The following DYNC1LI1 variants were observed in gnomAD, a reference collection of about 807,000 sequenced individuals.
DYNC1LI1 encodes the protein cytoplasmic dynein 1 light intermediate chain 1.
A neutral mutation model predicts 63.8 loss-of-function variants in DYNC1LI1; 19 were observed. The ratio of observed to expected loss-of-function variants is 0.30; its 90% CI spans 0.21 to 0.44. The LOEUF (loss-of-function observed/expected upper bound fraction) is 0.44, where lower values mean the gene tolerates loss of function less well. Among genes scored for constraint, DYNC1LI1 ranks in the 20% least tolerant of loss-of-function variants. The probability of loss-of-function intolerance (pLI) is 1.00; values close to 1 mark genes in which losing one functional copy is unlikely to be tolerated. For missense variants in DYNC1LI1, 565 were observed against 630.2 expected (o/e 0.90, Z 1.11); for synonymous variants, 225 against 232.3 (o/e 0.97, Z 0.28).
chr3:32,537,824 C>T (rs1474540129), intron 5 of DYNC1LI1, among the ~76,000 whole-genome samples: 1 of 130,930 alleles, frequency 7.6e-6, no homozygotes, highest in African/African-American at 2.8e-5. Flanking sequence ...ATGGTCATTA[C>T]ACCTAATATT....
chr3:32,546,511 G>A (rs868162078), intron 2 of DYNC1LI1, among the ~76,000 whole-genome samples: 10 of 152,078 alleles, frequency 6.6e-5, no homozygotes, highest in Admixed American at 1.3e-4. Flanking sequence ...CTTCCTCTAC[G>A]GATAATTTTC....
intron 1 of DYNC1LI1, 101 bp from the exon 2 acceptor site, chr3:32,570,520 G>A (rs1198993579): frequency 3.1e-5 from 46 of 1,475,688 alleles, no homozygotes; most frequent in Non-Finnish European, 3.7e-5. Flanking sequence ...TGCCGGGAAC[G>A]CAGTGGCCGG....
chr3:32,556,514 A>G (rs1698116548), intron 2 of DYNC1LI1, among the ~76,000 whole-genome samples: 1 of 152,114 alleles, frequency 6.6e-6, no homozygotes, highest in African/African-American at 2.4e-5. Context: ...CAACCTTCAT[A>G]TTCTTTTTGT....
chr3:32,529,515 T>G, intron 11 of DYNC1LI1, 25 bp downstream of exon 11: 2 of 1,586,774 alleles, frequency 1.3e-6, no homozygotes, highest in Non-Finnish European at 1.7e-6. Flanking sequence ...TGTATTGTCT[T>G]GTTATCTCCT....
chr3:32,527,964 T>C (rs144053379), intron 12 of DYNC1LI1, among the ~76,000 whole-genome samples: 9 of 150,076 alleles, frequency 6.0e-5, no homozygotes, highest in African/African-American at 2.2e-4. Context: ...CTACTAAAAA[T>C]ACAAAAATTA....
At chr3:32,531,763 AAAAATT>A (rs1262013893) in intron 8 of DYNC1LI1, 4 of 152,170 alleles carry the variant, frequency 2.6e-5, no homozygotes, top group Non-Finnish European at 5.9e-5. Context: ...TATGCTAAAT[AAAAATT>A]ATTTTTTCTT....
At chr3:32,545,250 C>T in intron 3 of DYNC1LI1, 144 bp from the exon 4 acceptor site, 1 of 638,900 alleles carries the variant, frequency 1.6e-6, no homozygotes, top group South Asian at 2.0e-5. Flanking sequence ...AGGCCATCTA[C>T]CAATTTATTT....
chr3:32,530,331 GAAAAAAA>G lies in DYNC1LI1; in HGVS notation c.1141-10_1141-4del. 1 of 1,425,746 alleles carries G rather than the reference GAAAAAAA, an allele frequency of 7.0e-7. No individual in the cohort carries two copies. The highest frequency in any genetic ancestry group is 9.4e-7 in the Non-Finnish European group (1 of 1,069,064). The allele number at this position is 1,425,746 out of a possible 1,614,324, so 88.3% of individuals were successfully genotyped here. A position where few individuals can be genotyped will look rare whatever the true frequency, so the allele number is the denominator to read the frequency against. ...GGTGGTTGCTTTGCTAAAAGGGACT[GAAAAAAA>G]AAAAAAAAAAGAATCCTAGTTTAGA... On this transcript the variant is annotated splice_region_variant and splice_polypyrimidine_tract_variant and intron_variant, in intron 9 of 12. Transcript: ENST00000273130.
intron 11 of DYNC1LI1, among the ~76,000 whole-genome samples, 164 bp from the exon 12 acceptor site, chr3:32,528,765 T>C (rs1164813215): frequency 2.0e-5 from 3 of 152,238 alleles, no homozygotes; most frequent in Non-Finnish European, 4.4e-5. Context: ...GTAATTTCTC[T>C]AATGAGTAAA....
At chr3:32,561,244 A>C (rs964240148) in intron 2 of DYNC1LI1, among the ~76,000 whole-genome samples, 1 of 151,564 alleles carries the variant, frequency 6.6e-6, no homozygotes, top group Non-Finnish European at 1.5e-5. Flanking sequence ...TTAAGATGCA[A>C]ATTTTTAACC....
intron 2 of DYNC1LI1, among the ~76,000 whole-genome samples, chr3:32,561,389 GAGGCTGAGGT>G (rs1698191366): frequency 6.6e-6 from 1 of 152,084 alleles, no homozygotes; most frequent in Admixed American, 6.6e-5. Flanking sequence ...AGCACTTTGG[GAGGCTGAGGT>G]AGGCAGATCA....
chr3:32,544,892 T>C lies in DYNC1LI1; in HGVS notation c.552A>G (p.Lys184=). 1.2e-6 allele frequency: 2 copies of C among 1,611,074 alleles called. No individual in the cohort carries two copies. The highest frequency in any genetic ancestry group is 1.7e-6 in the Non-Finnish European group (2 of 1,177,374). Residue 184 remains lysine (K), a synonymous_variant, in exon 4 of 13, where the codon AAA becomes AAG. Transcript: ENST00000273130. ...DKLKIPPEEM[K]QMEQKLIRDF... is the part of the protein sequence containing the mutation. ...ATTACTTACACTTTTGTTCCATTTG[T>C]TTCATTTCTTCAGGAGGGATTTTCA...
intron 4 of DYNC1LI1, among the ~76,000 whole-genome samples, chr3:32,543,461 G>T (rs1268642238): frequency 2.7e-5 from 4 of 146,920 alleles, no homozygotes; most frequent in African/African-American, 7.6e-5. Context: ...GTACAGTGGC[G>T]CAATCTCAGC....
At chr3:32,529,754 C>T in intron 10 of DYNC1LI1, 94 bp from the exon 11 acceptor site, 6 of 1,096,042 alleles carry the variant, frequency 5.5e-6, no homozygotes, top group Non-Finnish European at 7.6e-6. Context: ...TGCAACTATC[C>T]CCTGTTCTAC....
intron 2 of DYNC1LI1, among the ~76,000 whole-genome samples, chr3:32,549,690 ATTTC>A (rs994185904): frequency 6.0e-4 from 91 of 152,260 alleles, no homozygotes; most frequent in African/African-American, 2.0e-3. Context: ...GATTTATCTT[ATTTC>A]TTTAATTCCC....
chr3:32,538,975 T>A (rs1697840733), intron 5 of DYNC1LI1, among the ~76,000 whole-genome samples: 1 of 152,174 alleles, frequency 6.6e-6, no homozygotes, highest in African/African-American at 2.4e-5. Context: ...ATGTTATGAC[T>A]CTATGACTCA....
rs891916266 is a variant in DYNC1LI1 at position 32,533,183 on chromosome 3, T to C, written c.969-86A>G. On this transcript the variant is annotated intron_variant, in intron 7 of 12. Coordinates refer to ENST00000273130, the MANE Select transcript of DYNC1LI1 (RefSeq NM_016141.4). ...CCAAGATCATGTAAAAGGAATACTT[T>C]CATGAAGTCAATTTGAACAATTATG... The C allele has an allele frequency of 3.5e-6, 5 of 1,424,218 alleles. No individual in the cohort carries two copies. The African/African-American group carries it at 4.5e-5, about 13-fold the overall frequency. 88.2% of individuals were successfully genotyped at this position (1,424,218 alleles called of 1,614,324 possible).
intron 8 of DYNC1LI1, chr3:32,530,802 A>T: frequency 3.0e-6 from 1 of 334,232 alleles, no homozygotes; most frequent in Non-Finnish European, 5.5e-6. Context: ...AGTGTGACTA[A>T]GGAAATGATT....
At chr3:32,538,460 G>A (rs1285612901) in intron 5 of DYNC1LI1, among the ~76,000 whole-genome samples, 1 of 151,956 alleles carries the variant, frequency 6.6e-6, no homozygotes, top group Non-Finnish European at 1.5e-5. Context: ...CAGCACTTTG[G>A]GAGGTCGAGG....
Sources: allele counts gnomAD v4.1 joint callset (sites outside exome capture counted in the v4.1 genomes callset), GRCh38; gene constraint gnomAD v4.1.1; transcripts MANE v1.5; gene names NCBI Gene and HGNC (gene_info 2026-07-23, HGNC 2026-07-21).